LPAR1: variants seen among roughly 807,000 people sequenced by gnomAD.
LPAR1 encodes the protein LPA receptor 1.
Under a neutral mutation model 23.8 loss-of-function variants are expected in LPAR1, and 5 were observed. The observed-to-expected ratio is 0.21, with a 90% CI of 0.11 to 0.44. The LOEUF is 0.44. Among genes scored for constraint, LPAR1 ranks in the 20% least tolerant of loss-of-function variants. The pLI is 0.99. For synonymous variants in LPAR1, 160 were observed against 164.7 expected (o/e 0.97, Z 0.22); for missense variants, 311 against 482.8 (o/e 0.64, Z 3.33).
chr9:110,958,342 T>C (rs1362924791), intron 4 of LPAR1, among the ~76,000 whole-genome samples: 5 of 152,098 alleles, frequency 3.3e-5, no homozygotes, highest in African/African-American at 1.2e-4. Context: ...CACAAAGCTA[T>C]GGTAACCAAA....
intron 4 of LPAR1, 99 bp downstream of exon 4, chr9:110,971,974 A>G (rs1327282477): frequency 2.0e-6 from 2 of 1,001,036 alleles, no homozygotes; most frequent in African/African-American, 3.2e-5. Context: ...CGAGAGAGAT[A>G]TACATGATCC....
Position 110,875,381 on chromosome 9 carries a change from T to TC in LPAR1, c.*39dup. ...TTGGGTAGGGGGAGGCTGTTTATCCTCCAAGAGAGGACGGCTGGTTCCTCA... is the reference window on the plus strand; with the variant it reads ...TTGGGTAGGGGGAGGCTGTTTATCCTCCCAAGAGAGGACGGCTGGTTCCTCA... On this transcript the variant is annotated 3_prime_UTR_variant, in exon 6 of 6. Coordinates refer to ENST00000683809, the MANE Select transcript of LPAR1 (RefSeq NM_001351411.2). 1 of 1,559,638 alleles carries TC rather than the reference T, an allele frequency of 6.4e-7. No individual in the cohort carries two copies. Among genetic ancestry groups the TC allele is most frequent in the Non-Finnish European group, 8.7e-7 (1 of 1,149,060 alleles).
chr9:110,946,050 C>G (rs1564130525), intron 4 of LPAR1, among the ~76,000 whole-genome samples: 1 of 152,056 alleles, frequency 6.6e-6, no homozygotes, highest in South Asian at 2.1e-4. Context: ...TTGTGCCTAT[C>G]AGAACAAACT....
At chr9:111,038,844 C>A (rs2097949858), upstream of LPAR1, 7 of 323,382 alleles carry the variant, frequency 2.2e-5, no homozygotes, top group South Asian at 1.3e-4. This position sits in a 1 kb window ranked among gnomAD's most constrained non-coding sequence, Gnocchi z 4.4. Flanking sequence ...CAGCTCGGGT[C>A]CCACCCCCGC....
At chr9:111,033,718 AT>A (rs1564396735) in intron 2 of LPAR1, among the ~76,000 whole-genome samples, 1 of 151,982 alleles carries the variant, frequency 6.6e-6, no homozygotes, top group African/African-American at 2.4e-5. Context: ...CACCTGGCTA[AT>A]TTTTTGTATT....
At chr9:110,960,040 G>A (rs2095903017) in intron 4 of LPAR1, among the ~76,000 whole-genome samples, 1 of 152,142 alleles carries the variant, frequency 6.6e-6, no homozygotes, top group South Asian at 2.1e-4. Context: ...TAGTTAATGG[G>A]TACAAACATA....
In LPAR1 at chr9:110,968,562, C is replaced by T. The variant is rs73657215; in HGVS notation, c.45+3511G>A. ...AGTGGTCTTCCTTCAAGAAGCCTTCCCTGATCCTCTAAATCTTTTCTTGGG... is the reference window on the plus strand; with the variant it reads ...AGTGGTCTTCCTTCAAGAAGCCTTCTCTGATCCTCTAAATCTTTTCTTGGG... On this transcript the variant is annotated intron_variant, in intron 4 of 5. Transcript: ENST00000683809. Among the ~76,000 whole-genome samples the T allele has an allele frequency of 7.2e-3, 1,089 of 152,212 alleles. 17 individuals are homozygous for T. Among genetic ancestry groups the T allele is most frequent in the African/African-American group, 0.025 (1,022 of 41,536 alleles).
intron 2 of LPAR1, among the ~76,000 whole-genome samples, chr9:111,008,569 A>G (rs546727624): frequency 1.1e-3 from 168 of 152,306 alleles, no homozygotes; most frequent in African/African-American, 4.0e-3. Flanking sequence ...GACCTCTGCA[A>G]AAAGCTGGGA....
intron 2 of LPAR1, among the ~76,000 whole-genome samples, chr9:111,029,684 T>C (rs956563404): frequency 1.3e-5 from 2 of 152,136 alleles, no homozygotes; most frequent in African/African-American, 4.8e-5. Flanking sequence ...TCTTAATCAT[T>C]TGAGTCCATA....
At chr9:110,960,955 C>T (rs79488474) in intron 4 of LPAR1, among the ~76,000 whole-genome samples, 1,659 of 152,184 alleles carry the variant, frequency 0.011, 29 homozygotes, top group African/African-American at 0.036. Flanking sequence ...GGCCATTTTG[C>T]TGAAAGGCTA....
At chr9:110,922,915 G>C (rs1033061326) in intron 5 of LPAR1, among the ~76,000 whole-genome samples, 2 of 151,134 alleles carry the variant, frequency 1.3e-5, no homozygotes, top group Non-Finnish European at 2.9e-5. Flanking sequence ...AGGTATACAC[G>C]TGCCATGGTG....
chr9:110,913,892 A>G (rs1215607024), intron 5 of LPAR1, among the ~76,000 whole-genome samples: 1 of 152,218 alleles, frequency 6.6e-6, no homozygotes, highest in Non-Finnish European at 1.5e-5. Flanking sequence ...AAGAAGTTCA[A>G]TGGGTGCCTG....
intron 4 of LPAR1, among the ~76,000 whole-genome samples, chr9:110,965,020 G>A (rs551733687): frequency 1.9e-4 from 29 of 151,910 alleles, no homozygotes; most frequent in African/African-American, 6.8e-4. Context: ...ACAGGTGCAC[G>A]CCACCACACC....
At chr9:110,878,599 T>A (rs753442030) in intron 5 of LPAR1, among the ~76,000 whole-genome samples, 1 of 152,116 alleles carries the variant, frequency 6.6e-6, no homozygotes, top group Non-Finnish European at 1.5e-5. Flanking sequence ...GAAAGGTTGA[T>A]AAGAGTTAAA....
intron 2 of LPAR1, among the ~76,000 whole-genome samples, chr9:111,030,619 C>T (rs1437171955): frequency 3.3e-5 from 5 of 152,160 alleles, no homozygotes; most frequent in Non-Finnish European, 5.9e-5. Flanking sequence ...CTCCTCCCGT[C>T]GTCTGAGACC....
chr9:110,941,364 G>C lies in LPAR1; in HGVS notation c.793+57C>G. 1 of 1,445,344 alleles carries C rather than the reference G, an allele frequency of 6.9e-7. No homozygotes were observed. The allele number at this position is 1,445,344 out of a possible 1,614,324, so 89.5% of individuals were successfully genotyped here. The stretch of plus-strand genomic sequence containing the variant: ...GGTTACCTCTGACATAAAATAATGT[G>C]GTTTATGTTAGTCACTGAGAATCTA... On this transcript the variant is annotated intron_variant, in intron 5 of 5. Transcript: ENST00000683809. The surrounding 1 kb of genome is among the most constrained non-coding windows in gnomAD (Gnocchi z 6.1).
chr9:111,032,116 G>A (rs1051640188), intron 2 of LPAR1, among the ~76,000 whole-genome samples: 8 of 152,126 alleles, frequency 5.3e-5, no homozygotes, highest in African/African-American at 1.9e-4. Context: ...AAAGGATTAA[G>A]GAACACATAG....
intron 4 of LPAR1, 105 bp downstream of exon 4, chr9:110,971,968 A>C: frequency 1.1e-6 from 1 of 930,958 alleles, no homozygotes; most frequent in African/African-American, 1.6e-5. Context: ...TGATAGCGAG[A>C]GAGATATACA....
intron 5 of LPAR1, among the ~76,000 whole-genome samples, chr9:110,904,597 A>T (rs1170957895): frequency 6.6e-6 from 1 of 152,242 alleles, no homozygotes. Context: ...TAAGTTGTTC[A>T]TGGCAAAGTC....
Sources: allele counts gnomAD v4.1 joint callset (sites outside exome capture counted in the v4.1 genomes callset), GRCh38; gene constraint gnomAD v4.1.1; non-coding constraint Gnocchi (gnomAD v3.1); transcripts MANE v1.5; gene names NCBI Gene and HGNC (gene_info 2026-07-23, HGNC 2026-07-21).